The following PPM1L variants were observed in gnomAD, a reference collection of about 807,000 sequenced individuals.
The protein encoded by PPM1L is protein phosphatase, Mg2+/Mn2+ dependent 1L.
A neutral mutation model predicts 31.4 loss-of-function variants in PPM1L; 13 were observed. That is an observed-to-expected ratio of 0.41 (90% confidence interval 0.27 to 0.66). The LOEUF (loss-of-function observed/expected upper bound fraction) is 0.66. Ranked by LOEUF, PPM1L falls within the 30% of genes least tolerant of loss-of-function variation. The pLI is 0.29. For synonymous variants in PPM1L, 184 were observed against 175.4 expected, an observed-to-expected ratio of 1.05 and a Z score of -0.39; for missense variants, 326 against 453.7, an observed-to-expected ratio of 0.72 and a Z score of 2.56.
chr3:160,764,260 T>C (rs1372979849), intron 1 of PPM1L, among the ~76,000 whole-genome samples: 3 of 152,196 alleles, frequency 2.0e-5, no homozygotes, highest in African/African-American at 7.2e-5. Flanking sequence ...GCCTCATGAA[T>C]AGCTGGGACT....
chr3:161,024,259 C>T (rs1020430997), intron 2 of PPM1L, among the ~76,000 whole-genome samples: 19 of 132,026 alleles, frequency 1.4e-4, no homozygotes, highest in South Asian at 2.5e-4. Flanking sequence ...GGCAAGACTC[C>T]GTCTCAAAAA....
chr3:160,884,077 A>AT (rs551175251), intron 1 of PPM1L, among the ~76,000 whole-genome samples: 43 of 147,414 alleles, frequency 2.9e-4, no homozygotes, highest in East Asian at 9.9e-4. Flanking sequence ...CTCAAAAACC[A>AT]TTTTTTTTTT....
At chr3:160,918,755 G>C (rs866431476) in intron 1 of PPM1L, among the ~76,000 whole-genome samples, 1 of 152,054 alleles carries the variant, frequency 6.6e-6, no homozygotes, top group Non-Finnish European at 1.5e-5. Flanking sequence ...ACAATCAGAA[G>C]CATGTTGTTT....
At chr3:160,970,935 C>T (rs576023623) in intron 2 of PPM1L, among the ~76,000 whole-genome samples, 12 of 151,896 alleles carry the variant, frequency 7.9e-5, no homozygotes, top group Admixed American at 1.3e-4. Context: ...GGACTACAGG[C>T]GCCCGCCACC....
chr3:160,944,768 ATGTTATATAT>A (rs1371313643), intron 1 of PPM1L, among the ~76,000 whole-genome samples: 1,081 of 47,772 alleles, frequency 0.023, 148 homozygotes, highest in African/African-American at 0.052. Flanking sequence ...TATATATAAC[ATGTTATATAT>A]TATATTATAT....
chr3:160,793,954 C>G (rs1484140675), intron 1 of PPM1L, among the ~76,000 whole-genome samples: 1 of 147,426 alleles, frequency 6.8e-6, no homozygotes, highest in East Asian at 1.9e-4. Flanking sequence ...GGTTGGTTTC[C>G]AAGCCAGAAA....
intron 1 of PPM1L, among the ~76,000 whole-genome samples, chr3:160,767,113 G>A (rs1230227854): frequency 3.3e-5 from 5 of 152,152 alleles, no homozygotes; most frequent in African/African-American, 9.7e-5. Flanking sequence ...AGCTAAAGGC[G>A]CCGTAGCAGT....
chr3:160,777,773 G>T (rs1711604354), intron 1 of PPM1L, among the ~76,000 whole-genome samples: 1 of 152,156 alleles, frequency 6.6e-6, no homozygotes, highest in Non-Finnish European at 1.5e-5. Flanking sequence ...TTCATTGATA[G>T]ATATTTGAGT....
chr3:161,027,280 C>T (rs544383068), intron 2 of PPM1L, among the ~76,000 whole-genome samples: 4 of 152,294 alleles, frequency 2.6e-5, no homozygotes, highest in African/African-American at 7.2e-5. Context: ...GACCTTTAGA[C>T]GATTGGTGCA....
At chr3:160,795,341 G>T (rs1712217163) in intron 1 of PPM1L, among the ~76,000 whole-genome samples, 1 of 152,138 alleles carries the variant, frequency 6.6e-6, no homozygotes, top group South Asian at 2.1e-4. Context: ...TATTGTCGTG[G>T]AGGCTGTCTT....
At chr3:160,934,022 G>A (rs1416772813) in intron 1 of PPM1L, among the ~76,000 whole-genome samples, 1 of 152,050 alleles carries the variant, frequency 6.6e-6, no homozygotes, top group African/African-American at 2.4e-5. Context: ...AAAGCTAGAG[G>A]GTAACAAGAG....
intron 1 of PPM1L, among the ~76,000 whole-genome samples, chr3:160,837,328 C>G (rs1232956623): frequency 6.6e-6 from 1 of 151,978 alleles, no homozygotes; most frequent in African/African-American, 2.4e-5. Flanking sequence ...AAATAAGAAA[C>G]AAAAATGATA....
At chr3:160,965,578 T>C (rs1239118108) in intron 2 of PPM1L, among the ~76,000 whole-genome samples, 3 of 152,140 alleles carry the variant, frequency 2.0e-5, no homozygotes. Flanking sequence ...GCTATGATGT[T>C]CAGTAGGTTA....
intron 2 of PPM1L, among the ~76,000 whole-genome samples, chr3:161,030,517 T>G (rs1196382169): frequency 6.6e-6 from 1 of 152,178 alleles, no homozygotes; most frequent in Non-Finnish European, 1.5e-5. Flanking sequence ...TCACCTAGTC[T>G]CAGGTATTTT....
intron 1 of PPM1L, among the ~76,000 whole-genome samples, chr3:160,922,159 A>C (rs1057341677): frequency 6.6e-6 from 1 of 151,992 alleles, no homozygotes; most frequent in Non-Finnish European, 1.5e-5. Flanking sequence ...AAATACAAAA[A>C]ATTAGCCGGG....
intron 1 of PPM1L, among the ~76,000 whole-genome samples, chr3:160,840,421 A>T (rs1362263006): frequency 6.6e-6 from 1 of 152,174 alleles, no homozygotes; most frequent in Non-Finnish European, 1.5e-5. Context: ...AACCAATAGG[A>T]TGTAGATACA....
At chr3:160,914,829 G>A (rs1714103952) in intron 1 of PPM1L, among the ~76,000 whole-genome samples, 1 of 152,008 alleles carries the variant, frequency 6.6e-6, no homozygotes, top group Non-Finnish European at 1.5e-5. Context: ...TGGGTCAAAT[G>A]GTATTTCTAG....
At chr3:160,903,208 T>TTGTGTGTGTGTG (rs59232471) in intron 1 of PPM1L, among the ~76,000 whole-genome samples, 110 of 120,112 alleles carry the variant, frequency 9.2e-4, no homozygotes, top group African/African-American at 2.2e-3. Flanking sequence ...GTGTGTATGT[T>TTGTGTGTGTGTG]TGTGTGTGTG....
intron 1 of PPM1L, among the ~76,000 whole-genome samples, chr3:160,937,370 C>G (rs1715006390): frequency 6.6e-6 from 1 of 152,152 alleles, no homozygotes; most frequent in Non-Finnish European, 1.5e-5. Flanking sequence ...CCTGTAATCC[C>G]AGCACTTTGG....
Sources: gnomAD v4.1 joint callset for allele counts (sites outside exome capture counted in the v4.1 genomes callset) on GRCh38, gnomAD v4.1.1 for gene constraint, MANE v1.5 for transcripts, NCBI Gene and HGNC (gene_info 2026-07-23, HGNC 2026-07-21) for gene names.